Variants in RNF10 observed in about 807,000 individuals in gnomAD.
RNF10 encodes E3 ubiquitin-protein ligase RNF10.
Under a neutral mutation model 91.4 loss-of-function variants are expected in RNF10, and 38 were observed. The observed-to-expected ratio is 0.42, with a 90% confidence interval of 0.32 to 0.54. The LOEUF is 0.54. RNF10 is among the 20% of genes least tolerant of loss of function. The probability of loss-of-function intolerance (pLI) is 0.16; values close to 1 mark genes in which losing one functional copy is unlikely to be tolerated. For synonymous variants in RNF10, 364 were observed against 366.3 expected (o/e 0.99, Z 0.07); for missense variants, 945 against 1,012.0 (o/e 0.93, Z 0.90).
chr12:120,565,039 T>C (rs1440746477), intron 10 of RNF10, 33 bp from the exon 11 acceptor site: 1 of 1,478,600 alleles, frequency 6.8e-7, no homozygotes, highest in East Asian at 2.3e-5. Context: ...TTAGGCTTGC[T>C]TTTGTTGAGT....
intron 2 of RNF10, among the ~76,000 whole-genome samples, chr12:120,548,787 TAGCTGGGACTAC>T (rs1872658934): frequency 6.6e-6 from 1 of 151,538 alleles, no homozygotes; most frequent in African/African-American, 2.4e-5. Flanking sequence ...GTCTCCCGAG[TAGCTGGGACTAC>T]AGCTGGGACT....
chr12:120,574,345 T>C (rs1877088340), intron 14 of RNF10: 1 of 422,886 alleles, frequency 2.4e-6, no homozygotes, highest in Non-Finnish European at 4.8e-6. Context: ...CTCTGCCTTT[T>C]AAGTGGCATA....
chr12:120,556,238 T>C (rs1305780302), intron 4 of RNF10, among the ~76,000 whole-genome samples: 1 of 151,894 alleles, frequency 6.6e-6, no homozygotes, highest in Non-Finnish European at 1.5e-5. Flanking sequence ...CTTTTGACCT[T>C]AAAGCTTGAA....
chr12:120,571,858 A>G (rs1266137493), intron 14 of RNF10, among the ~76,000 whole-genome samples: 1 of 152,146 alleles, frequency 6.6e-6, no homozygotes, highest in Non-Finnish European at 1.5e-5. Flanking sequence ...TAGCCAAAGC[A>G]GCTTCCTTGG....
At chr12:120,569,451 A>C (rs1331110964) in intron 13 of RNF10, among the ~76,000 whole-genome samples, 1 of 151,918 alleles carries the variant, frequency 6.6e-6, no homozygotes, top group Non-Finnish European at 1.5e-5. Flanking sequence ...TGAGGACTGC[A>C]CTACTGTGAC....
intron 1 of RNF10, among the ~76,000 whole-genome samples, chr12:120,541,694 A>G (rs1871597627): frequency 6.6e-6 from 1 of 150,828 alleles, no homozygotes; most frequent in Non-Finnish European, 1.5e-5. Flanking sequence ...TTGGCCTCCC[A>G]AAGTGCTGGG....
intron 1 of RNF10, among the ~76,000 whole-genome samples, chr12:120,536,418 C>G (rs942082852): frequency 2.6e-5 from 4 of 152,044 alleles, no homozygotes; most frequent in African/African-American, 9.7e-5. Context: ...ACAGAGACCC[C>G]CATCTCTAAA....
chr12:120,563,171 G>A, intron 8 of RNF10, 101 bp downstream of exon 8: 2 of 1,548,958 alleles, frequency 1.3e-6, no homozygotes, highest in Non-Finnish European at 1.8e-6. Flanking sequence ...GAGAAGAGGG[G>A]ACAATGAGTA....
chr12:120,566,182 C>G (rs924965688), intron 12 of RNF10, among the ~76,000 whole-genome samples: 1 of 152,116 alleles, frequency 6.6e-6, no homozygotes, highest in Non-Finnish European at 1.5e-5. Context: ...GTCCCAACAC[C>G]GTGTAGGTGT....
intron 1 of RNF10, chr12:120,539,430 G>T: frequency 3.1e-6 from 4 of 1,288,880 alleles, no homozygotes; most frequent in Non-Finnish European, 3.0e-6. Context: ...GCCATATGTT[G>T]CCCCTCTGGA....
At chr12:120,546,309 C>T (rs1479596656) in intron 1 of RNF10, 96 bp from the exon 2 acceptor site, 4 of 1,095,954 alleles carry the variant, frequency 3.6e-6, no homozygotes, top group Non-Finnish European at 4.0e-6. Flanking sequence ...GGTCAAAGGG[C>T]CTATTCACCC....
At chr12:120,536,132 T>TA (rs1870756982) in intron 1 of RNF10, among the ~76,000 whole-genome samples, 2 of 151,994 alleles carry the variant, frequency 1.3e-5, no homozygotes, top group South Asian at 4.1e-4. Context: ...AAAAACTGTT[T>TA]AGAGTGAGAC....
intron 2 of RNF10, among the ~76,000 whole-genome samples, chr12:120,551,960 C>T (rs1484051302): frequency 2.7e-5 from 4 of 150,542 alleles, no homozygotes; most frequent in Admixed American, 6.7e-5. Flanking sequence ...AGCGGGAGAA[C>T]GGGAAGCAGG....
intron 1 of RNF10, among the ~76,000 whole-genome samples, chr12:120,538,243 CT>C (rs1308512240): frequency 2.6e-5 from 4 of 152,156 alleles, no homozygotes; most frequent in Non-Finnish European, 5.9e-5. Context: ...ATTTAAGTCA[CT>C]TTTTTTCTCC....
intron 3 of RNF10, among the ~76,000 whole-genome samples, chr12:120,554,189 G>A (rs1314354736): frequency 6.6e-6 from 1 of 152,096 alleles, no homozygotes; most frequent in Non-Finnish European, 1.5e-5. Context: ...ACAGGTGTGA[G>A]CCACCATGCC....
At chr12:120,552,855 C>G (rs1763690369) in intron 3 of RNF10, among the ~76,000 whole-genome samples, 157 bp downstream of exon 3, 1 of 151,994 alleles carries the variant, frequency 6.6e-6, no homozygotes, top group African/African-American at 2.4e-5. Context: ...CCCTTCCTTT[C>G]TTTTACCCAC....
At chr12:120,556,353 T>A (rs1593082506) in intron 4 of RNF10, among the ~76,000 whole-genome samples, 1 of 150,178 alleles carries the variant, frequency 6.7e-6, no homozygotes, top group South Asian at 2.1e-4. Flanking sequence ...GCTAACACGG[T>A]GAAACCCCGT....
rs769892274 is a variant in RNF10 at position 120,565,528 on chromosome 12, G to A, written c.1884G>A (p.Lys628=). ...TAGAGGAGAACAAGAAACAGGGCAA[G>A]TGTAAGTTCAGGAACTTTCATCTTT... is the stretch of plus-strand genomic sequence containing the variant. ...IEIEENKKQG[K]YPEVHIPLEN... is the part of the protein sequence containing the mutation. The change falls in exon 12 of 17, where the codon AAG becomes AAA. Residue 628 remains lysine (K), a splice_region_variant and synonymous_variant. Transcript: ENST00000325954. 1.2e-6 allele frequency: 2 copies of A among 1,613,684 alleles called. No individual in the cohort carries two copies. The highest frequency in any genetic ancestry group is 8.5e-7 in the Non-Finnish European group (1 of 1,179,764).
At chr12:120,569,212 G>C (rs938761884) in intron 13 of RNF10, among the ~76,000 whole-genome samples, 2 of 152,018 alleles carry the variant, frequency 1.3e-5, no homozygotes, top group Non-Finnish European at 2.9e-5. Flanking sequence ...CAGGTGATCC[G>C]CCAGCTGACC....
Sources: allele counts gnomAD v4.1 joint callset (sites outside exome capture counted in the v4.1 genomes callset), GRCh38; gene constraint gnomAD v4.1.1; transcripts MANE v1.5; gene names NCBI Gene and HGNC (gene_info 2026-07-23, HGNC 2026-07-21).